The following WNT5B variants were observed in gnomAD, a reference collection of about 807,000 sequenced individuals.
WNT5B encodes the protein Wnt family member 5B.
A neutral mutation model predicts 36.5 loss-of-function variants in WNT5B; 18 were observed. That is an observed-to-expected ratio of 0.49 (90% CI 0.34 to 0.73). The LOEUF is 0.73. WNT5B is among the 30% of genes least tolerant of loss of function. The pLI, the probability that WNT5B is intolerant of heterozygous loss-of-function variation, is 0.01. For synonymous variants in WNT5B, 213 were observed against 212.3 expected (o/e 1.00, Z -0.03); for missense variants, 424 against 508.4 (o/e 0.83, Z 1.60).
chr12:1,625,494 C>A (rs1016594600), upstream of WNT5B, among the ~76,000 whole-genome samples: 2 of 152,194 alleles, frequency 1.3e-5, no homozygotes, highest in African/African-American at 2.4e-5. Flanking sequence ...TCCTCCTCCA[C>A]CTGCCCCTCC....
chr12:1,631,185 G>A (rs1010943936), intron 1 of WNT5B, 113 bp from the exon 2 acceptor site: 3 of 943,202 alleles, frequency 3.2e-6, no homozygotes, highest in South Asian at 4.0e-5. Context: ...GCTTCTTTGT[G>A]GGGAACACGC....
upstream of WNT5B, among the ~76,000 whole-genome samples, chr12:1,625,498 C>T (rs575040814): frequency 4.3e-4 from 66 of 152,334 alleles, no homozygotes; most frequent in Middle Eastern, 3.4e-3. Context: ...CCTCCACCTG[C>T]CCCTCCCCTG....
chr12:1,617,300 T>G lies in WNT5B; in HGVS notation c.-58+157T>G, dbSNP rs543084464. On this transcript the variant is annotated intron_variant, in intron 1 of 4. Coordinates refer to the WNT5B transcript ENST00000310594. The stretch of plus-strand genomic sequence containing the variant: ...CATTTAGTACAATGATTATCATATA[T>G]GTAATATATAAAATATATATATAAT... Among the ~76,000 whole-genome samples, 339 of 103,544 alleles carry G rather than the reference T, an allele frequency of 3.3e-3. 4 individuals carry two copies. Among genetic ancestry groups the G allele is most frequent in the African/African-American group, 0.013 (331 of 25,328 alleles). The allele number at this position is 103,544 out of a possible 152,430, so 67.9% of individuals were successfully genotyped here. A position where few individuals can be genotyped will look rare whatever the true frequency, so the allele number is the denominator to read the frequency against.
Position 1,644,349 on chromosome 12 carries a change from A to T in WNT5B, c.622-1445A>T, listed in dbSNP as rs952953535. ...TGCTCTAAGCCAGCTTTAAGCCCCGAGATTGGAGTGGATAAGTGCTTGTTA... is the reference window on the plus strand; with the variant it reads ...TGCTCTAAGCCAGCTTTAAGCCCCGTGATTGGAGTGGATAAGTGCTTGTTA... On this transcript the variant is annotated intron_variant, in intron 4 of 4. Transcript: ENST00000397196. The surrounding 1 kb of genome is among the most constrained non-coding windows in gnomAD (Gnocchi z 5.1). 1.3e-5 allele frequency among the ~76,000 whole-genome samples: 2 copies of T among 151,934 alleles called. No individual in the cohort carries two copies. Among genetic ancestry groups the T allele is most frequent in the African/African-American group, 4.8e-5 (2 of 41,354 alleles).
rs1268957671 is a variant in WNT5B, at chr12:1,646,155, G to A, written c.983G>A (p.Ser328Asn). The change falls in exon 5 of 5, where the codon AGC (serine) becomes AAC (asparagine). Residue 328 changes from serine to asparagine, a missense_variant. Ser to Asn is a conservative substitution (Grantham distance 46). Coordinates refer to ENST00000397196, the MANE Select transcript of WNT5B (RefSeq NM_032642.3). ...CCGRGYNQFK[S>N]VQVERCHCKF... Reference sequence around the variant, plus strand: ...GGGCGTGGCTACAACCAGTTCAAGAGCGTGCAGGTGGAGCGCTGCCACTGC... The same window carrying A: ...GGGCGTGGCTACAACCAGTTCAAGAACGTGCAGGTGGAGCGCTGCCACTGC... The A allele has an allele frequency of 2.5e-6, 4 of 1,613,680 alleles. No individual in the cohort carries two copies. Among genetic ancestry groups the A allele is most frequent in the Admixed American group, 3.3e-5 (2 of 60,016 alleles).
chr12:1,637,214 C>T (rs558147596), intron 3 of WNT5B, among the ~76,000 whole-genome samples: 26 of 152,164 alleles, frequency 1.7e-4, no homozygotes, highest in African/African-American at 2.9e-4. Context: ...CCCATTTATC[C>T]GCTGATGGAT....
Position 1,647,098 on chromosome 12 carries a change from G to A in WNT5B, c.*846G>A, listed in dbSNP as rs1222309035. ...GCTGCTGCTGTCACTCCTCCACCGA[G>A]GGAGGCCTCACAAACCACAGGACGC... On this transcript the variant is annotated 3_prime_UTR_variant, in exon 5 of 5. Coordinates refer to ENST00000397196, the MANE Select transcript of WNT5B (RefSeq NM_032642.3). 3 of 152,366 alleles carry A rather than the reference G, an allele frequency of 2.0e-5. No homozygotes were observed. Among genetic ancestry groups the A allele is most frequent in the African/African-American group, 4.8e-5 (2 of 41,448 alleles). 9.4% of individuals were successfully genotyped at this position (152,366 alleles called of 1,614,324 possible).
At chr12:1,642,785 C>G (rs1003866130) in intron 4 of WNT5B, among the ~76,000 whole-genome samples, 2 of 152,206 alleles carry the variant, frequency 1.3e-5, no homozygotes, top group Non-Finnish European at 2.9e-5. Context: ...GGCTTGCTCA[C>G]CTTCCCTGTC....
rs1282704125 is a variant in WNT5B, at chr12:1,646,115, G to A, written c.943G>A (p.Glu315Lys). 6.2e-7 allele frequency: 1 copy of A among 1,614,012 alleles called. No individual in the cohort carries two copies. Among genetic ancestry groups the A allele is most frequent in the East Asian group, 2.2e-5 (1 of 44,886 alleles). Reference protein sequence around the residue: ...NKTSEGMDGCELMCCGRGYNQ... With the variant: ...NKTSEGMDGCKLMCCGRGYNQ... ...GACCTCGGAGGGCATGGATGGCTGT[G>A]AGCTCATGTGCTGCGGGCGTGGCTA... Residue 315 changes from glutamate (E) to lysine (K), a missense_variant, in exon 5 of 5, where the codon GAG becomes AAG. Transcript: ENST00000397196.
chr12:1,627,551 T>C (rs576532387), upstream of WNT5B, among the ~76,000 whole-genome samples: 4 of 152,324 alleles, frequency 2.6e-5, no homozygotes, highest in South Asian at 8.3e-4. This position sits in a 1 kb window ranked among gnomAD's most constrained non-coding sequence, Gnocchi z 5.0. Flanking sequence ...CTCTTAACTC[T>C]AGGCTGGATG....
chr12:1,630,276 G>A lies in WNT5B; in HGVS notation c.-58+905G>A, dbSNP rs887876394. The A allele has an allele frequency of 5.1e-6, 5 of 977,454 alleles. No homozygotes were observed. The highest frequency in any genetic ancestry group is 4.9e-6 in the Non-Finnish European group (4 of 822,748). The allele number at this position is 977,454 out of a possible 1,614,324, so 60.5% of individuals were successfully genotyped here. On this transcript the variant is annotated intron_variant, in intron 1 of 4. Transcript: ENST00000397196. This position sits in a 1 kb window ranked among gnomAD's most constrained non-coding sequence, Gnocchi z 5.3. ...GGGGGCGCGGGTCACGCCCAGACGG[G>A]GGCCCCGGAGGACCGCGGGGGAGCC...
intron 1 of WNT5B, among the ~76,000 whole-genome samples, chr12:1,619,287 A>G (rs991208389): frequency 2.0e-5 from 3 of 152,156 alleles, no homozygotes; most frequent in African/African-American, 7.2e-5. Context: ...TTTCATTTCT[A>G]CCAACTGTAG....
intron 4 of WNT5B, among the ~76,000 whole-genome samples, chr12:1,642,477 G>A (rs1348811077): frequency 1.3e-5 from 2 of 152,138 alleles, no homozygotes; most frequent in African/African-American, 4.8e-5. Context: ...GGTTCCTGTG[G>A]GCAGGGATTG....
intron 1 of WNT5B, among the ~76,000 whole-genome samples, chr12:1,617,312 A>AATATATATATATATATATATATAAAAT (rs35389812): frequency 6.8e-6 from 1 of 148,000 alleles, no homozygotes. Flanking sequence ...TAATATATAA[A>AATATATATATATATATATATATAAAAT]ATATATATAT....
intron 4 of WNT5B, among the ~76,000 whole-genome samples, chr12:1,642,456 G>A (rs1230637537): frequency 1.3e-5 from 2 of 152,198 alleles, no homozygotes; most frequent in Non-Finnish European, 2.9e-5. Flanking sequence ...TGCCTTGGTA[G>A]GTTGGCGGTA....
chr12:1,626,714 G>A (rs555621251), upstream of WNT5B, among the ~76,000 whole-genome samples: 47 of 151,904 alleles, frequency 3.1e-4, no homozygotes, highest in South Asian at 7.1e-3. Flanking sequence ...ACAGGCGCCC[G>A]CCACCACACT....
Position 1,633,049 on chromosome 12 carries a change from C to T in WNT5B, c.328+144C>T, listed in dbSNP as rs764249743. 1.6e-5 allele frequency: 20 copies of T among 1,225,498 alleles called. No homozygotes were observed. Among genetic ancestry groups the T allele is most frequent in the East Asian group, 2.4e-5 (1 of 40,920 alleles). The allele number at this position is 1,225,498 out of a possible 1,614,324, so 75.9% of individuals were successfully genotyped here. On this transcript the variant is annotated intron_variant, in intron 3 of 4. Coordinates refer to ENST00000397196, the MANE Select transcript of WNT5B (RefSeq NM_032642.3). This position sits in a 1 kb window ranked among gnomAD's most constrained non-coding sequence, Gnocchi z 4.8. ...CTAGGCTTGGCAGCAGTGTGCACCA[C>T]GAGAGAGGCACACGAGGAAGCAGGC... is the stretch of plus-strand genomic sequence containing the variant.
rs993725242 is a variant in WNT5B, at chr12:1,640,043, C to CA, written c.621+68dup. 4.6e-6 allele frequency: 7 copies of CA among 1,517,486 alleles called. No individual in the cohort carries two copies. In the African/African-American group the frequency reaches 9.9e-5, roughly 22 times the overall value. The allele number at this position is 1,517,486 out of a possible 1,614,324, so 94.0% of individuals were successfully genotyped here. On this transcript the variant is annotated intron_variant, in intron 4 of 4. Coordinates refer to ENST00000397196, the MANE Select transcript of WNT5B (RefSeq NM_032642.3). ...GGGGGCTGTTCCCGGGCTGTGCCAC[C>CA]AGCCGTGGCCTGGCCTTCAAGGAAA... is the stretch of plus-strand genomic sequence containing the variant.
chr12:1,645,797 G>A lies in WNT5B; in HGVS notation c.625G>A (p.Val209Met). ...TGCCTTCTTTCTCTTCCCCTAGGCT[G>A]TGTATAAGATGGCAGACGTAGCCTG... ...LQNNEAGRRA[V>M]YKMADVACKC... Residue 209 changes from valine (V) to methionine (M), a missense_variant, in exon 5 of 5, where the codon GTG becomes ATG. By Grantham distance (21) the Val-to-Met change is conservative. Coordinates refer to ENST00000397196, the MANE Select transcript of WNT5B (RefSeq NM_032642.3). 1 of 1,577,274 alleles carries A rather than the reference G, an allele frequency of 6.3e-7. No individual in the cohort carries two copies. The highest frequency in any genetic ancestry group is 8.6e-7 in the Non-Finnish European group (1 of 1,159,384).
Sources: gnomAD v4.1 joint callset for allele counts (sites outside exome capture counted in the v4.1 genomes callset) on GRCh38, gnomAD v4.1.1 for gene constraint, Gnocchi (gnomAD v3.1) non-coding constraint, MANE v1.5 for transcripts, NCBI Gene and HGNC (gene_info 2026-07-23, HGNC 2026-07-21) for gene names.